Variants in CDON observed in about 807,000 individuals in gnomAD.
CDON encodes cell adhesion molecule-related/down-regulated by oncogenes.
Under a neutral mutation model 120.9 loss-of-function variants are expected in CDON, and 73 were observed. The observed-to-expected ratio is 0.60, with a 90% CI of 0.50 to 0.73. CDON has a LOEUF of 0.73. Among genes scored for constraint, CDON ranks in the 30% least tolerant of loss-of-function variants. The pLI, the probability that CDON is intolerant of heterozygous loss-of-function variation, is 0.00. For synonymous variants in CDON, 566 were observed against 573.5 expected (o/e 0.99, Z 0.19); for missense variants, 1,470 against 1,587.3 (o/e 0.93, Z 1.26).
Position 126,010,662 on chromosome 11 carries a change from G to A in CDON, c.1231C>T (p.Pro411Ser), listed in dbSNP as rs372823373. Residue 411 changes from proline (P) to serine (S), a missense_variant, in exon 8 of 20, where the codon CCA (proline) becomes TCA (serine). Physicochemically the swap from Pro to Ser is moderately conservative, Grantham distance 74 (BLOSUM62 -1). Transcript: ENST00000531738. ...GGFKPVIITA[P>S]VSAKVADGDF... ...CCGTCTGCAACCTTTGCACTTACTG[G>A]TGCCGTAATTATAACTGGCTTGAAT... 15 of 1,613,974 alleles carry A rather than the reference G, an allele frequency of 9.3e-6. No individual in the cohort carries two copies. The highest frequency in any genetic ancestry group is 1.0e-5 in the Non-Finnish European group (12 of 1,179,990).
At position 125,960,976 on chromosome 11, in the gene CDON, G is replaced by A. The variant is rs199762166; in HGVS notation, c.3761C>T (p.Pro1254Leu). The A allele has an allele frequency of 2.8e-5, 45 of 1,614,166 alleles. No homozygotes were observed. Among genetic ancestry groups the A allele is most frequent in the Admixed American group, 2.5e-4 (15 of 60,034 alleles). The change falls in exon 20 of 20, where the codon CCG becomes CTG. Residue 1254 changes from proline to leucine, a missense_variant. Physicochemically the swap from Pro to Leu is moderately conservative, Grantham distance 98. Coordinates refer to ENST00000531738, the MANE Select transcript of CDON (RefSeq NM_001378964.1). ...CCGGGGCTGCTGAAGGACCTCTGTC[G>A]GGCTGTCTAAAGGAATGCCAGGTGG... ...WSPPGIPLDSPTEVLQQPRET is the reference protein window; with the variant it reads ...WSPPGIPLDSLTEVLQQPRET
Position 126,019,646 on chromosome 11 carries a change from G to C in CDON, c.469C>G (p.Arg157Gly). Residue 157 changes from arginine to glycine, a missense_variant, in exon 4 of 20, where the codon CGG becomes GGG. By Grantham distance (125) the Arg-to-Gly change is moderately radical. Coordinates refer to ENST00000531738, the MANE Select transcript of CDON (RefSeq NM_001378964.1). Reference sequence around the variant, plus strand: ...GTGGAATGTTCCAGCCATTTTCCCCGGATTTTATAGCGCACCTCAGCTTTG... The same window carrying C: ...GTGGAATGTTCCAGCCATTTTCCCCCGATTTTATAGCGCACCTCAGCTTTG... ...NPKAEVRYKI[R>G]GKWLEHSTEN... 6.2e-7 allele frequency: 1 copy of C among 1,613,970 alleles called. No homozygotes were observed. The highest frequency in any genetic ancestry group is 8.5e-7 in the Non-Finnish European group (1 of 1,179,974).
chr11:125,966,871 TTAAAAA>T (rs1945815364), intron 18 of CDON, among the ~76,000 whole-genome samples: 1 of 150,458 alleles, frequency 6.6e-6, no homozygotes, highest in Non-Finnish European at 1.5e-5. Flanking sequence ...CAATTAGAGG[TTAAAAA>T]AAAAAAGAAA....
chr11:125,983,886 T>C lies in CDON; in HGVS notation c.2981A>G (p.Gln994Arg), dbSNP rs1946384374. 1.2e-6 allele frequency: 2 copies of C among 1,613,304 alleles called. No homozygotes were observed. Among genetic ancestry groups the C allele is most frequent in the African/African-American group, 2.7e-5 (2 of 74,916 alleles). The change falls in exon 16 of 20, where the codon CAG (glutamine) becomes CGG (arginine). Residue 994 changes from glutamine (Q) to arginine (R), a missense_variant. Gln to Arg is a conservative substitution (Grantham distance 43). Transcript: ENST00000531738. Reference protein sequence around the residue: ...IAMCLWKNRQQNTIQKYDPPG... With the variant: ...IAMCLWKNRQRNTIQKYDPPG... ...GAGTGACTTACTTTGTATGGTATTC[T>C]GCTGGCGATTCTTCCACAGGCACAT...
intron 1 of CDON, among the ~76,000 whole-genome samples, chr11:126,033,226 T>TCTG (rs1947994462): frequency 6.6e-6 from 1 of 152,144 alleles, no homozygotes; most frequent in African/African-American, 2.4e-5. Context: ...TCTTCTGTGG[T>TCTG]CTGCTGCTGC....
At chr11:126,005,329 AAC>A in intron 9 of CDON, 1 of 26,536 alleles carries the variant, frequency 3.8e-5, no homozygotes, top group South Asian at 7.2e-4. Context: ...CAAACAAACA[AAC>A]AAAAAAAAAC....
intron 17 of CDON, 103 bp downstream of exon 17, chr11:125,980,946 T>C (rs906183071): frequency 2.5e-6 from 3 of 1,176,862 alleles, no homozygotes; most frequent in Middle Eastern, 2.0e-4. Flanking sequence ...TCGAGGAAAC[T>C]TGTGAGGTTT....
At chr11:126,025,388 G>A (rs950272330) in intron 1 of CDON, among the ~76,000 whole-genome samples, 15 of 152,096 alleles carry the variant, frequency 9.9e-5, no homozygotes, top group African/African-American at 3.6e-4. Flanking sequence ...AAGCGTGATG[G>A]TAGTTCAGGG....
chr11:126,015,499 T>C lies in CDON; in HGVS notation c.940A>G (p.Ile314Val). The change falls in exon 7 of 20, where the codon ATT (isoleucine) becomes GTT (valine). Residue 314 changes from isoleucine to valine, a missense_variant. Coordinates refer to ENST00000531738, the MANE Select transcript of CDON (RefSeq NM_001378964.1). ...YMVNVLEHASISKGLQDQIVS... is the reference protein window; with the variant it reads ...YMVNVLEHASVSKGLQDQIVS... ...ATCTGATCCTGTAGTCCTTTAGAAA[T>C]GGAAGCATGTTCTGAAAATAAAACA... is the stretch of plus-strand genomic sequence containing the variant. 1 of 1,614,020 alleles carries C rather than the reference T, an allele frequency of 6.2e-7. No individual in the cohort carries two copies. The highest frequency in any genetic ancestry group is 8.5e-7 in the Non-Finnish European group (1 of 1,179,950).
intron 14 of CDON, among the ~76,000 whole-genome samples, chr11:125,992,377 G>A (rs1946655777): frequency 6.6e-6 from 1 of 152,148 alleles, no homozygotes; most frequent in African/African-American, 2.4e-5. Context: ...CTGGCATAAA[G>A]TATGCATACA....
chr11:126,020,006 G>A (rs965061170), intron 3 of CDON, among the ~76,000 whole-genome samples: 2 of 121,660 alleles, frequency 1.6e-5, no homozygotes, highest in African/African-American at 3.1e-5. Flanking sequence ...AAGCAGTGGA[G>A]AGCCACTGCA....
At chr11:126,045,247 C>T (rs1236215573) in intron 1 of CDON, among the ~76,000 whole-genome samples, 7 of 152,062 alleles carry the variant, frequency 4.6e-5, no homozygotes, top group Non-Finnish European at 1.0e-4. Context: ...AGGATGGTCT[C>T]GATCTCTTGA....
At chr11:125,967,957 G>C (rs1428286706) in intron 18 of CDON, among the ~76,000 whole-genome samples, 1 of 152,156 alleles carries the variant, frequency 6.6e-6, no homozygotes, top group Non-Finnish European at 1.5e-5. Context: ...CCTAGGCTCA[G>C]GCAATCTTCC....
At chr11:126,025,582 T>A (rs949707493) in intron 1 of CDON, among the ~76,000 whole-genome samples, 6 of 152,098 alleles carry the variant, frequency 3.9e-5, no homozygotes, top group African/African-American at 1.4e-4. Context: ...GCACATTTGG[T>A]AAAACTAAAA....
intron 18 of CDON, among the ~76,000 whole-genome samples, chr11:125,975,431 CTAT>C (rs34207285): frequency 0.054 from 6,489 of 120,846 alleles, 198 homozygotes; most frequent in Middle Eastern, 0.091. Context: ...TTTAATAGGA[CTAT>C]TATTAAGTAA....
chr11:125,997,275 TTGC>T lies in CDON; in HGVS notation c.2291_2293del (p.Ser764del). Reference sequence around the variant, plus strand: ...GATGTCTTCAGCTGCCACCAGCCAATTGCTGGTCCTCATCCGTTTATATTCGAC... The same window carrying T: ...GATGTCTTCAGCTGCCACCAGCCAATTGGTCCTCATCCGTTTATATTCGAC... On this transcript the variant is annotated inframe_deletion, in exon 12 of 20. Coordinates refer to ENST00000531738, the MANE Select transcript of CDON (RefSeq NM_001378964.1). 1 of 1,614,196 alleles carries T rather than the reference TTGC, an allele frequency of 6.2e-7. No homozygotes were observed. The highest frequency in any genetic ancestry group is 8.5e-7 in the Non-Finnish European group (1 of 1,180,026).
At chr11:125,990,495 T>G (rs945316038) in intron 14 of CDON, among the ~76,000 whole-genome samples, 1 of 152,200 alleles carries the variant, frequency 6.6e-6, no homozygotes, top group African/African-American at 2.4e-5. Context: ...TTGACTTCCA[T>G]GGACCTGTGA....
intron 1 of CDON, among the ~76,000 whole-genome samples, chr11:126,028,048 C>A (rs1047231007): frequency 1.4e-5 from 2 of 147,722 alleles, no homozygotes; most frequent in African/African-American, 5.0e-5. Flanking sequence ...CAACATAATG[C>A]CTGGTGATAT....
chr11:125,974,380 G>A (rs1946092375), intron 18 of CDON, among the ~76,000 whole-genome samples: 1 of 69,078 alleles, frequency 1.4e-5, no homozygotes, highest in Non-Finnish European at 3.4e-5. Context: ...AAGGAAGGAA[G>A]GAAGGAAGGA....
Sources: gnomAD v4.1 joint callset for allele counts (sites outside exome capture counted in the v4.1 genomes callset) on GRCh38, gnomAD v4.1.1 for gene constraint, MANE v1.5 for transcripts, NCBI Gene and HGNC (gene_info 2026-07-23, HGNC 2026-07-21) for gene names.